NKAIN2: variants seen among roughly 807,000 people sequenced by gnomAD.
NKAIN2 encodes sodium/potassium transporting ATPase interacting 2, also known as sodium/potassium-transporting ATPase subunit beta-1-interacting protein 2.
Under a neutral mutation model 32.6 loss-of-function variants are expected in NKAIN2, and 14 were observed. The ratio of observed to expected loss-of-function variants is 0.43; its 90% CI spans 0.28 to 0.67. The LOEUF (loss-of-function observed/expected upper bound fraction) is 0.67. Among genes scored for constraint, NKAIN2 ranks in the 30% least tolerant of loss-of-function variants. NKAIN2 has a pLI of 0.17. For synonymous variants in NKAIN2, 80 were observed against 87.2 expected, an observed-to-expected ratio of 0.92 and a Z score of 0.46; for missense variants, 198 against 258.3, an observed-to-expected ratio of 0.77 and a Z score of 1.60.
At chr6:124,480,366 G>T (rs368971909) in intron 3 of NKAIN2, among the ~76,000 whole-genome samples, 31 of 152,160 alleles carry the variant, frequency 2.0e-4, no homozygotes, top group Middle Eastern at 3.4e-3. Flanking sequence ...TTCAGGCCAA[G>T]GTTTGTAGGT....
At chr6:124,699,594 G>GT (rs1259355789) in intron 4 of NKAIN2, among the ~76,000 whole-genome samples, 2 of 152,042 alleles carry the variant, frequency 1.3e-5, no homozygotes, top group African/African-American at 4.8e-5. Context: ...ATGACATCTG[G>GT]TTTTTTAAAA....
intron 1 of NKAIN2, among the ~76,000 whole-genome samples, chr6:124,111,126 A>G (rs1304396086): frequency 1.3e-5 from 2 of 152,092 alleles, no homozygotes; most frequent in Non-Finnish European, 2.9e-5. Flanking sequence ...CTCTTATGTG[A>G]TCTAACATAT....
chr6:124,779,892 G>C (rs1198295117), intron 4 of NKAIN2, among the ~76,000 whole-genome samples: 1 of 152,116 alleles, frequency 6.6e-6, no homozygotes. Context: ...AACACAATGA[G>C]CAAAAATGAA....
chr6:124,025,071 C>A (rs1389465900), intron 1 of NKAIN2, among the ~76,000 whole-genome samples: 2 of 152,010 alleles, frequency 1.3e-5, no homozygotes, highest in East Asian at 3.9e-4. Flanking sequence ...TATAACTAGT[C>A]CATGCTAAGT....
At chr6:124,135,507 A>G (rs1786723608) in intron 1 of NKAIN2, among the ~76,000 whole-genome samples, 1 of 100,620 alleles carries the variant, frequency 9.9e-6, no homozygotes, top group African/African-American at 3.9e-5. Flanking sequence ...ACTTTAAAGC[A>G]ACGATAGTAA....
chr6:124,176,026 T>C (rs1465549609), intron 1 of NKAIN2, among the ~76,000 whole-genome samples: 1 of 152,208 alleles, frequency 6.6e-6, no homozygotes, highest in Non-Finnish European at 1.5e-5. Context: ...GATATTGTAG[T>C]TTAGGCTCCA....
intron 1 of NKAIN2, among the ~76,000 whole-genome samples, chr6:124,027,743 T>A (rs1293069310): frequency 6.6e-6 from 1 of 152,182 alleles, no homozygotes; most frequent in Admixed American, 6.5e-5. Flanking sequence ...TATTTTTTTC[T>A]TCTTCTCTAT....
At chr6:124,674,706 A>G (rs944059410) in intron 4 of NKAIN2, among the ~76,000 whole-genome samples, 3 of 151,942 alleles carry the variant, frequency 2.0e-5, no homozygotes, top group African/African-American at 4.8e-5. Context: ...TGTTGCTTTA[A>G]TATCCTGCAA....
At chr6:124,601,433 G>C (rs1428373777) in intron 3 of NKAIN2, among the ~76,000 whole-genome samples, 1 of 152,036 alleles carries the variant, frequency 6.6e-6, no homozygotes, top group Admixed American at 6.6e-5. Context: ...GCTTGTCTGA[G>C]ACAAATGTTT....
intron 1 of NKAIN2, among the ~76,000 whole-genome samples, chr6:123,892,556 C>G (rs1473129155): frequency 1.3e-5 from 2 of 151,968 alleles, no homozygotes; most frequent in African/African-American, 4.8e-5. Flanking sequence ...CCAACCTTGA[C>G]ACGTGGGGAT....
intron 5 of NKAIN2, among the ~76,000 whole-genome samples, chr6:124,805,435 T>C (rs1486521329): frequency 6.6e-6 from 1 of 150,768 alleles, no homozygotes; most frequent in Non-Finnish European, 1.5e-5. Flanking sequence ...GAGGGTCCTG[T>C]CTGTTAGAAG....
intron 1 of NKAIN2, among the ~76,000 whole-genome samples, chr6:124,101,739 T>A (rs1318051027): frequency 2.0e-5 from 3 of 152,160 alleles, no homozygotes; most frequent in Admixed American, 2.0e-4. Flanking sequence ...AATAACTTCC[T>A]GAGGGATGCC....
chr6:124,733,811 G>A (rs1487650627), intron 4 of NKAIN2, among the ~76,000 whole-genome samples: 1 of 151,490 alleles, frequency 6.6e-6, no homozygotes, highest in Non-Finnish European at 1.5e-5. Flanking sequence ...ATGTATATAT[G>A]TGTATATACA....
chr6:124,346,857 G>A (rs2115107800), intron 2 of NKAIN2, among the ~76,000 whole-genome samples: 1 of 151,780 alleles, frequency 6.6e-6, no homozygotes, highest in East Asian at 1.9e-4. Context: ...ATTGTTATGT[G>A]TGAATTTGAT....
At chr6:124,355,191 A>G (rs1305598904) in intron 2 of NKAIN2, 76 bp from the exon 3 acceptor site, 8 of 932,956 alleles carry the variant, frequency 8.6e-6, no homozygotes, top group Non-Finnish European at 1.4e-5. Context: ...AGGGTGTGCG[A>G]AAGTTCGTTT....
chr6:124,677,896 G>A (rs1773438108), intron 4 of NKAIN2, among the ~76,000 whole-genome samples: 1 of 151,838 alleles, frequency 6.6e-6, no homozygotes, highest in Admixed American at 6.6e-5. Flanking sequence ...TTTAAGGCAG[G>A]TCTAGTGGCC....
intron 3 of NKAIN2, among the ~76,000 whole-genome samples, chr6:124,600,182 T>C (rs1031583397): frequency 8.5e-5 from 13 of 152,084 alleles, no homozygotes; most frequent in Admixed American, 2.6e-4. Context: ...TGGGAAAACA[T>C]AATAAATGAC....
intron 1 of NKAIN2, among the ~76,000 whole-genome samples, chr6:123,843,737 G>T (rs1774975568): frequency 6.6e-6 from 1 of 152,058 alleles, no homozygotes; most frequent in South Asian, 2.1e-4. Flanking sequence ...GCTACAGAAA[G>T]AACAGGGGTT....
chr6:124,462,499 AG>A (rs1294072745), intron 3 of NKAIN2, among the ~76,000 whole-genome samples: 1 of 152,008 alleles, frequency 6.6e-6, no homozygotes, highest in Non-Finnish European at 1.5e-5. Flanking sequence ...TCTTGTTCAA[AG>A]CTTTGTGAAC....
Sources: gnomAD v4.1 joint callset for allele counts (sites outside exome capture counted in the v4.1 genomes callset) on GRCh38, gnomAD v4.1.1 for gene constraint, MANE v1.5 for transcripts, NCBI Gene and HGNC (gene_info 2026-07-23, HGNC 2026-07-21) for gene names.